DYNC2H1: variants seen among roughly 807,000 people sequenced by gnomAD.
DYNC2H1 encodes the protein cytoplasmic dynein 2 heavy chain 1.
A neutral mutation model predicts 570.0 loss-of-function variants in DYNC2H1; 410 were observed. That is an observed-to-expected ratio of 0.72 (90% CI 0.66 to 0.78). The LOEUF is 0.78. Among genes scored for constraint, DYNC2H1 ranks in the 30% least tolerant of loss-of-function variants. The pLI, the probability that DYNC2H1 is intolerant of heterozygous loss-of-function variation, is 0.00. For missense variants in DYNC2H1, 4,865 were observed against 5,046.4 expected (o/e 0.96, Z 1.09); for synonymous variants, 1,688 against 1,677.6 (o/e 1.01, Z -0.15).
rs4754913 is a variant in DYNC2H1, at chr11:103,320,943, G to T, written c.11726-86G>T. On this transcript the variant is annotated intron_variant, in intron 80 of 88. Transcript: ENST00000375735. ...TGATTTAGTTGTATTAAATACATTT[G>T]GCTACATGTTATAAATATAACTCAA... is the stretch of plus-strand genomic sequence containing the variant. 139,432 of 950,058 alleles carry T rather than the reference G, an allele frequency of 0.15. 11,294 individuals carry two copies. Among genetic ancestry groups the T allele is most frequent in the Admixed American group, 0.27 (9,961 of 37,284 alleles). The allele number at this position is 950,058 out of a possible 1,614,324, so 58.9% of individuals were successfully genotyped here. A position where few individuals can be genotyped will look rare whatever the true frequency, so the allele number is the denominator to read the frequency against.
At position 103,311,987 on chromosome 11, in the gene DYNC2H1, C is replaced by G. The variant is rs1213780831; in HGVS notation, c.11603C>G (p.Ala3868Gly). 19 of 1,613,462 alleles carry G rather than the reference C, an allele frequency of 1.2e-5. No individual in the cohort carries two copies. Among genetic ancestry groups the G allele is most frequent in the South Asian group, 9.9e-5 (9 of 90,938 alleles). Residue 3868 changes from alanine to glycine, a missense_variant, in exon 79 of 89, where the codon GCA becomes GGA. Ala to Gly is a moderately conservative substitution (Grantham distance 60). Transcript: ENST00000375735. ...THRAHALFSLAWFHAACQERR... is the reference protein window; with the variant it reads ...THRAHALFSLGWFHAACQERR... ...CGAGCTCATGCTCTCTTCAGTCTTGCATGGTTTCATGCTGCATGTCAAGAA... is the reference window on the plus strand; with the variant it reads ...CGAGCTCATGCTCTCTTCAGTCTTGGATGGTTTCATGCTGCATGTCAAGAA...
At chr11:103,221,550 C>T (rs1378554135) in intron 57 of DYNC2H1, among the ~76,000 whole-genome samples, 2 of 152,186 alleles carry the variant, frequency 1.3e-5, no homozygotes, top group Admixed American at 1.3e-4. Flanking sequence ...GACTGTCCTA[C>T]ATCTCTCTAG....
At chr11:103,328,704 A>T (rs1025610347) in intron 82 of DYNC2H1, among the ~76,000 whole-genome samples, 1 of 152,334 alleles carries the variant, frequency 6.6e-6, no homozygotes, top group South Asian at 2.1e-4. Context: ...ATTGTTGATT[A>T]TACTTATGTA....
chr11:103,265,077 T>C (rs536739095), intron 70 of DYNC2H1, among the ~76,000 whole-genome samples: 1 of 152,296 alleles, frequency 6.6e-6, no homozygotes, highest in South Asian at 2.1e-4. Context: ...TGGATGAAGC[T>C]GGAAACCATC....
rs1865890512 is a variant in DYNC2H1, at chr11:103,275,973, T to C, written c.10696-4375T>C. On this transcript the variant is annotated intron_variant, in intron 70 of 88. Transcript: ENST00000375735. The surrounding 1 kb of genome is among the most constrained non-coding windows in gnomAD (Gnocchi z 4.8). ...TCCAAAGTGGCTGTACCCTTTTGCA[T>C]TCCTGCCAGCAATTAATGAGGGTTT... Among the ~76,000 whole-genome samples, 1 of 152,212 alleles carries C rather than the reference T, an allele frequency of 6.6e-6. No individual in the cohort carries two copies.
chr11:103,182,080 G>C (rs1354447617), intron 40 of DYNC2H1, among the ~76,000 whole-genome samples, 194 bp downstream of exon 40: 1 of 151,442 alleles, frequency 6.6e-6, no homozygotes, highest in African/African-American at 2.4e-5. Flanking sequence ...TATTTTGTTA[G>C]TCTTAAAACA....
At chr11:103,116,791 A>C (rs755383207) in intron 5 of DYNC2H1, 77 bp downstream of exon 5, 1 of 1,342,592 alleles carries the variant, frequency 7.4e-7, no homozygotes. Flanking sequence ...TTAAGTCCTT[A>C]CTTAAAATGC....
At chr11:103,178,221 G>T (rs1410531497) in intron 38 of DYNC2H1, among the ~76,000 whole-genome samples, 7 of 152,048 alleles carry the variant, frequency 4.6e-5, no homozygotes, top group Admixed American at 3.9e-4. Flanking sequence ...GAATACTTTT[G>T]AAAATTTAAG....
rs2134899865 is a variant in DYNC2H1, at chr11:103,157,329, T to TA, written c.4127+560dup. On this transcript the variant is annotated intron_variant, in intron 26 of 88. Transcript: ENST00000375735. The surrounding 1 kb of genome is among the most constrained non-coding windows in gnomAD (Gnocchi z 4.2). ...TTTATATGCTGAGGTCTCCTCAACT[T>TA]ACATGTACAGCCCATATTTCTCTTC... Among the ~76,000 whole-genome samples the TA allele has an allele frequency of 6.6e-6, 1 of 152,348 alleles. No homozygotes were observed. Among genetic ancestry groups the TA allele is most frequent in the Admixed American group, 6.5e-5 (1 of 15,304 alleles).
chr11:103,353,911 G>A (rs1452418477), intron 82 of DYNC2H1, among the ~76,000 whole-genome samples: 1 of 151,850 alleles, frequency 6.6e-6, no homozygotes. Flanking sequence ...GGGTGCGGTG[G>A]CTCACACCTG....
chr11:103,350,017 G>A (rs909187145), intron 82 of DYNC2H1, among the ~76,000 whole-genome samples: 6 of 152,212 alleles, frequency 3.9e-5, no homozygotes, highest in Admixed American at 2.0e-4. Flanking sequence ...ATTTTAACAT[G>A]TTGGTATGTA....
intron 78 of DYNC2H1, among the ~76,000 whole-genome samples, chr11:103,308,089 G>C (rs1427548422): frequency 2.7e-5 from 4 of 148,552 alleles, no homozygotes; most frequent in Non-Finnish European, 6.0e-5. Context: ...ATTTTTAAGT[G>C]TGTAGTGCAA....
chr11:103,192,913 A>G (rs1444637966), intron 47 of DYNC2H1, among the ~76,000 whole-genome samples: 1 of 152,172 alleles, frequency 6.6e-6, no homozygotes, highest in Non-Finnish European at 1.5e-5. Context: ...AAAGGTGCTT[A>G]TTTTTTCAGA....
At chr11:103,316,900 G>A (rs766567181) in intron 80 of DYNC2H1, among the ~76,000 whole-genome samples, 1 of 152,076 alleles carries the variant, frequency 6.6e-6, no homozygotes, top group Non-Finnish European at 1.5e-5. Flanking sequence ...TTTTTCAGAT[G>A]TCTTTCAGGG....
intron 83 of DYNC2H1, among the ~76,000 whole-genome samples, chr11:103,370,816 C>G (rs1941114894): frequency 6.6e-6 from 1 of 152,114 alleles, no homozygotes; most frequent in Admixed American, 6.5e-5. Context: ...CACCCAAGTC[C>G]TTTAAAATAT....
chr11:103,402,798 T>C (rs576927433), intron 84 of DYNC2H1: 4 of 152,254 alleles, frequency 2.6e-5, no homozygotes, highest in Admixed American at 6.6e-5. Flanking sequence ...ATCACTCAAC[T>C]AGTGCTATTG....
chr11:103,257,054 A>G (rs553154527), intron 68 of DYNC2H1, among the ~76,000 whole-genome samples: 1 of 152,288 alleles, frequency 6.6e-6, no homozygotes, highest in South Asian at 2.1e-4. Context: ...CAAAATTCAT[A>G]TGTGGAAATG....
chr11:103,167,636 A>T (rs184451336), intron 31 of DYNC2H1, among the ~76,000 whole-genome samples: 3 of 152,068 alleles, frequency 2.0e-5, no homozygotes, highest in Non-Finnish European at 4.4e-5. Context: ...GGTACTTATT[A>T]TTGTCTTTTC....
chr11:103,455,443 C>T, intron 86 of DYNC2H1, 148 bp downstream of exon 86: 1 of 661,420 alleles, frequency 1.5e-6, no homozygotes, highest in East Asian at 2.7e-5. Context: ...TACTTTAAAT[C>T]ATACAGTTAA....
Sources: gnomAD v4.1 joint callset for allele counts (sites outside exome capture counted in the v4.1 genomes callset) on GRCh38, gnomAD v4.1.1 for gene constraint, Gnocchi (gnomAD v3.1) non-coding constraint, MANE v1.5 for transcripts, NCBI Gene and HGNC (gene_info 2026-07-23, HGNC 2026-07-21) for gene names.